Variants in GPC5 observed in about 807,000 individuals in gnomAD.
The protein encoded by GPC5 is glypican 5, also known as glypican-5.
GPC5 carries 47 observed loss-of-function variants against 53.9 expected under a neutral mutation model. The ratio of observed to expected loss-of-function variants is 0.87; its 90% CI spans 0.69 to 1.11. The LOEUF is 1.11. Ranked by LOEUF, GPC5 falls within the 50% of genes most tolerant of loss-of-function variation. The probability of loss-of-function intolerance (pLI) is 0.00; values close to 1 mark genes in which losing one functional copy is unlikely to be tolerated. For synonymous variants in GPC5, 286 were observed against 263.3 expected (o/e 1.09, Z -0.84); for missense variants, 748 against 713.1 (o/e 1.05, Z -0.56).
chr13:91,902,189 T>C (rs2039504664), intron 5 of GPC5, among the ~76,000 whole-genome samples: 1 of 151,996 alleles, frequency 6.6e-6, no homozygotes, highest in South Asian at 2.1e-4. Flanking sequence ...CCAAATTCTA[T>C]TGTATTCTAA....
chr13:91,771,241 CA>C (rs761044635), intron 5 of GPC5, among the ~76,000 whole-genome samples: 14 of 152,192 alleles, frequency 9.2e-5, no homozygotes, highest in Non-Finnish European at 1.9e-4. Flanking sequence ...TGTTAAAAAT[CA>C]AATAAATACA....
intron 2 of GPC5, among the ~76,000 whole-genome samples, chr13:91,687,724 A>C (rs1481849441): frequency 6.6e-6 from 1 of 152,030 alleles, no homozygotes; most frequent in Non-Finnish European, 1.5e-5. Flanking sequence ...TGAAATTCTC[A>C]ATGAAAAACA....
chr13:92,291,369 C>T (rs1050102599), intron 7 of GPC5, among the ~76,000 whole-genome samples: 6 of 152,254 alleles, frequency 3.9e-5, no homozygotes, highest in East Asian at 1.9e-4. Context: ...GTACACCGAT[C>T]GGCACTCTGT....
At chr13:91,816,562 C>G (rs2038403242) in intron 5 of GPC5, among the ~76,000 whole-genome samples, 1 of 152,172 alleles carries the variant, frequency 6.6e-6, no homozygotes, top group African/African-American at 2.4e-5. Context: ...TTCATCCCAG[C>G]AGCCAGCTGT....
intron 7 of GPC5, among the ~76,000 whole-genome samples, chr13:92,350,341 T>A (rs1257600002): frequency 6.6e-6 from 1 of 152,148 alleles, no homozygotes; most frequent in Non-Finnish European, 1.5e-5. Context: ...GGATGTCCAC[T>A]TTCACCACTC....
chr13:91,729,220 C>T (rs1233584850), intron 4 of GPC5, among the ~76,000 whole-genome samples: 1 of 152,054 alleles, frequency 6.6e-6, no homozygotes, highest in Non-Finnish European at 1.5e-5. Flanking sequence ...ATACACATCC[C>T]ATAGGGCTCG....
At chr13:92,127,110 G>C (rs2041704627) in intron 6 of GPC5, among the ~76,000 whole-genome samples, 1 of 151,872 alleles carries the variant, frequency 6.6e-6, no homozygotes, top group Non-Finnish European at 1.5e-5. Flanking sequence ...ATGGAAGGGG[G>C]GGTGATTGCA....
At chr13:91,641,253 A>G (rs1227011381) in intron 2 of GPC5, among the ~76,000 whole-genome samples, 1 of 152,004 alleles carries the variant, frequency 6.6e-6, no homozygotes, top group East Asian at 1.9e-4. Flanking sequence ...GCGTGAACCC[A>G]GGAGGCGGAG....
chr13:92,519,712 A>G (rs1177660078), intron 7 of GPC5, among the ~76,000 whole-genome samples: 2 of 152,194 alleles, frequency 1.3e-5, no homozygotes, highest in Non-Finnish European at 2.9e-5. Flanking sequence ...CAACACAATT[A>G]AAAGAACTAG....
At chr13:92,374,219 C>A (rs2043674003) in intron 7 of GPC5, among the ~76,000 whole-genome samples, 1 of 152,080 alleles carries the variant, frequency 6.6e-6, no homozygotes, top group Admixed American at 6.6e-5. Flanking sequence ...GTAACATTTT[C>A]TTTTATGAGT....
intron 2 of GPC5, among the ~76,000 whole-genome samples, chr13:91,468,670 T>C (rs1179408016): frequency 6.6e-6 from 1 of 152,142 alleles, no homozygotes; most frequent in Non-Finnish European, 1.5e-5. Context: ...TGTGAATCCA[T>C]AAATTTCTCT....
At chr13:92,077,695 G>A (rs1264210469) in intron 6 of GPC5, among the ~76,000 whole-genome samples, 3 of 152,184 alleles carry the variant, frequency 2.0e-5, no homozygotes, top group African/African-American at 7.2e-5. Context: ...CAGAAGGGAT[G>A]ATCTGGCTGA....
At chr13:92,573,974 G>C (rs1478529035) in intron 7 of GPC5, among the ~76,000 whole-genome samples, 1 of 152,110 alleles carries the variant, frequency 6.6e-6, no homozygotes, top group East Asian at 1.9e-4. Context: ...AACAGCAATC[G>C]CACCTTCTCC....
At chr13:92,111,524 T>C (rs2041556319) in intron 6 of GPC5, among the ~76,000 whole-genome samples, 1 of 152,050 alleles carries the variant, frequency 6.6e-6, no homozygotes, top group Non-Finnish European at 1.5e-5. Flanking sequence ...TTTTCTTGAA[T>C]AACATCAGTT....
chr13:92,257,441 T>C (rs759395318), intron 7 of GPC5, among the ~76,000 whole-genome samples: 1 of 151,828 alleles, frequency 6.6e-6, no homozygotes, highest in Non-Finnish European at 1.5e-5. Flanking sequence ...TCTTAATTCA[T>C]ATGTTGAAAG....
chr13:92,708,902 A>T (rs1888040124), intron 7 of GPC5, among the ~76,000 whole-genome samples: 20 of 27,990 alleles, frequency 7.1e-4, no homozygotes, highest in South Asian at 1.8e-3. Context: ...TTTTTTTTTG[A>T]GGCAGAGTCT....
At chr13:92,606,802 C>T (rs1268449244) in intron 7 of GPC5, among the ~76,000 whole-genome samples, 3 of 151,796 alleles carry the variant, frequency 2.0e-5, no homozygotes, top group Non-Finnish European at 2.9e-5. Context: ...TTTCACTTTC[C>T]TCAAGAATGG....
intron 2 of GPC5, among the ~76,000 whole-genome samples, chr13:91,602,308 T>C (rs1227093415): frequency 6.6e-6 from 1 of 152,224 alleles, no homozygotes; most frequent in Non-Finnish European, 1.5e-5. Context: ...AAACCAAATG[T>C]AGGAATCTTC....
chr13:91,812,974 A>G (rs541376373), intron 5 of GPC5, among the ~76,000 whole-genome samples: 1 of 152,302 alleles, frequency 6.6e-6, no homozygotes, highest in South Asian at 2.1e-4. Flanking sequence ...TGTCTCTCAC[A>G]TACATTTTAC....
Sources: gnomAD v4.1 joint callset for allele counts (sites outside exome capture counted in the v4.1 genomes callset) on GRCh38, gnomAD v4.1.1 for gene constraint, MANE v1.5 for transcripts, NCBI Gene and HGNC (gene_info 2026-07-23, HGNC 2026-07-21) for gene names.